Variants in ADCY2 observed in about 807,000 individuals in gnomAD.
ADCY2 encodes adenylate cyclase 2.
In ADCY2, 31 loss-of-function variants were observed where a neutral mutation model predicts 125.2. The ratio of observed to expected loss-of-function variants is 0.25; its 90% CI spans 0.19 to 0.33. The LOEUF (loss-of-function observed/expected upper bound fraction) is 0.33. Among genes scored for constraint, ADCY2 ranks in the 10% least tolerant of loss-of-function variants. The pLI, the probability that ADCY2 is intolerant of heterozygous loss-of-function variation, is 1.00. For synonymous variants in ADCY2, 512 were observed against 548.4 expected, an observed-to-expected ratio of 0.93 and a Z score of 0.93; for missense variants, 904 against 1,418.2, an observed-to-expected ratio of 0.64 and a Z score of 5.82.
intron 24 of ADCY2, among the ~76,000 whole-genome samples, chr5:7,824,999 T>TTGTGCCATAACACCCCTG (rs1409222904): frequency 9.9e-5 from 15 of 152,182 alleles, no homozygotes; most frequent in Non-Finnish European, 2.1e-4. Context: ...ACAACCAAAA[T>TTGTGCCATAACACCCCTG]TGTGCCATAA....
At chr5:7,617,671 A>T (rs1298266022) in intron 3 of ADCY2, among the ~76,000 whole-genome samples, 2 of 152,204 alleles carry the variant, frequency 1.3e-5, no homozygotes, top group Non-Finnish European at 2.9e-5. Flanking sequence ...ATTTACAAGA[A>T]GTCAGAGTAT....
chr5:7,653,621 G>T (rs902971682), intron 4 of ADCY2, among the ~76,000 whole-genome samples: 2 of 150,956 alleles, frequency 1.3e-5, no homozygotes, highest in African/African-American at 4.9e-5. Context: ...AAAAAAAAAC[G>T]TGAAGAATTT....
chr5:7,636,101 C>T (rs1313154929), intron 4 of ADCY2, among the ~76,000 whole-genome samples: 1 of 152,214 alleles, frequency 6.6e-6, no homozygotes, highest in Non-Finnish European at 1.5e-5. Flanking sequence ...GCCACTCTCC[C>T]AGAGAGCCCT....
chr5:7,450,266 A>G (rs1473234337), intron 2 of ADCY2, among the ~76,000 whole-genome samples: 2 of 152,238 alleles, frequency 1.3e-5, no homozygotes, highest in Non-Finnish European at 2.9e-5. Flanking sequence ...ACGTTCTTGA[A>G]GGTAATTAAA....
At chr5:7,784,773 GAA>G (rs5865733) in intron 19 of ADCY2, among the ~76,000 whole-genome samples, 37 of 136,964 alleles carry the variant, frequency 2.7e-4, no homozygotes, top group East Asian at 1.0e-3. Flanking sequence ...GACACTATTT[GAA>G]AAAAAAAAAA....
intron 5 of ADCY2, chr5:7,692,021 T>G (rs1740722196): frequency 6.6e-6 from 1 of 152,290 alleles, no homozygotes; most frequent in African/African-American, 2.4e-5. Context: ...TCTACCCCTC[T>G]GGCCCAATCG....
intron 7 of ADCY2, among the ~76,000 whole-genome samples, chr5:7,701,518 C>T (rs77302399): frequency 6.6e-6 from 1 of 152,082 alleles, no homozygotes; most frequent in Non-Finnish European, 1.5e-5. Context: ...TACAGTGATA[C>T]ATAAAAATGT....
At chr5:7,406,519 G>C (rs955653102) in intron 1 of ADCY2, among the ~76,000 whole-genome samples, 1 of 152,232 alleles carries the variant, frequency 6.6e-6, no homozygotes, top group Non-Finnish European at 1.5e-5. Flanking sequence ...CTGGCCCAGA[G>C]ACTAGAGATT....
intron 3 of ADCY2, among the ~76,000 whole-genome samples, chr5:7,624,598 C>G (rs1302616737): frequency 6.6e-6 from 1 of 152,160 alleles, no homozygotes; most frequent in Non-Finnish European, 1.5e-5. Flanking sequence ...TTCTCCTGCT[C>G]TCCTTGGGAG....
chr5:7,693,413 G>GTTTTGTTTTTTTTTTTTTT (rs1740779550), intron 5 of ADCY2, among the ~76,000 whole-genome samples: 1 of 32,412 alleles, frequency 3.1e-5, no homozygotes, highest in African/African-American at 6.7e-5. Context: ...GCTGTTTTTT[G>GTTTTGTTTTTTTTTTTTTT]TTTTTTTTTT....
intron 4 of ADCY2, among the ~76,000 whole-genome samples, chr5:7,674,083 G>GTC (rs10691731): frequency 1 from 151,458 of 152,218 alleles, 75,357 homozygotes; most frequent in Middle Eastern, 1. Context: ...GTCTCAGCGT[G>GTC]TGTCGTCAGC....
At chr5:7,821,555 A>G (rs964487416) in intron 24 of ADCY2, among the ~76,000 whole-genome samples, 7 of 152,312 alleles carry the variant, frequency 4.6e-5, no homozygotes, top group African/African-American at 1.7e-4. Context: ...CGTGCTGACT[A>G]GATGCTGTGG....
intron 3 of ADCY2, among the ~76,000 whole-genome samples, chr5:7,556,029 T>C (rs1735497082): frequency 6.6e-6 from 1 of 152,064 alleles, no homozygotes; most frequent in South Asian, 2.1e-4. Context: ...AAGATAAAAA[T>C]GATAAAAAAC....
At chr5:7,722,106 C>T (rs987963309) in intron 12 of ADCY2, among the ~76,000 whole-genome samples, 5 of 152,148 alleles carry the variant, frequency 3.3e-5, no homozygotes, top group African/African-American at 1.2e-4. Context: ...ACCCGGTGTG[C>T]TTTGGCAAAG....
At chr5:7,767,308 C>G (rs1743414805) in intron 17 of ADCY2, among the ~76,000 whole-genome samples, 1 of 152,098 alleles carries the variant, frequency 6.6e-6, no homozygotes, top group South Asian at 2.1e-4. Context: ...CACAAAGGAC[C>G]TAGGTTAAAA....
intron 12 of ADCY2, 48 bp downstream of exon 12, chr5:7,717,285 CAGTTGTATTTT>C: frequency 7.3e-7 from 1 of 1,372,728 alleles, no homozygotes; most frequent in South Asian, 1.3e-5. Context: ...TATTATGTTC[CAGTTGTATTTT>C]ATCATGGGCT....
chr5:7,623,228 G>A (rs891342372), intron 3 of ADCY2, among the ~76,000 whole-genome samples: 8 of 152,238 alleles, frequency 5.3e-5, no homozygotes, highest in East Asian at 1.9e-4. Flanking sequence ...GGTTTGCTTC[G>A]AAGGCATTTT....
At chr5:7,673,436 T>TCAAAA (rs1391776300) in intron 4 of ADCY2, among the ~76,000 whole-genome samples, 2 of 150,900 alleles carry the variant, frequency 1.3e-5, no homozygotes, top group Non-Finnish European at 3.0e-5. Context: ...AGACTCCGTC[T>TCAAAA]CAAAACAAAA....
At chr5:7,506,383 T>G (rs1743814084) in intron 2 of ADCY2, among the ~76,000 whole-genome samples, 1 of 152,214 alleles carries the variant, frequency 6.6e-6, no homozygotes, top group South Asian at 2.1e-4. Flanking sequence ...ACTTATGTTA[T>G]TATATACTGG....
Sources: allele counts gnomAD v4.1 joint callset (sites outside exome capture counted in the v4.1 genomes callset), GRCh38; gene constraint gnomAD v4.1.1; transcripts MANE v1.5; gene names NCBI Gene and HGNC (gene_info 2026-07-23, HGNC 2026-07-21).